TRPM8: variants seen among roughly 807,000 people sequenced by gnomAD.
TRPM8 encodes TRPM8 cationic channel.
In TRPM8, 110 loss-of-function variants were observed where a neutral mutation model predicts 133.7. The observed-to-expected ratio is 0.82, with a 90% CI of 0.70 to 0.96. TRPM8 has a LOEUF of 0.96. Among genes scored for constraint, TRPM8 ranks in the 40% least tolerant of loss-of-function variants. The pLI is 0.00. For missense variants in TRPM8, 1,291 were observed against 1,379.5 expected (o/e 0.94, Z 1.02); for synonymous variants, 535 against 532.3 (o/e 1.01, Z -0.07).
chr2:234,016,832 A>G (rs1405690592), intron 25 of TRPM8, among the ~76,000 whole-genome samples: 1 of 152,114 alleles, frequency 6.6e-6, no homozygotes, highest in Admixed American at 6.5e-5. Context: ...GAAGTTGTTC[A>G]TTTCCTGCAT....
At chr2:233,939,923 A>G in intron 5 of TRPM8, among the ~76,000 whole-genome samples, 1 of 152,102 alleles carries the variant, frequency 6.6e-6, no homozygotes, top group Non-Finnish European at 1.5e-5. Context: ...TCAAACCCGA[A>G]CAGTTACCAT....
chr2:233,981,649 G>C, intron 18 of TRPM8, 125 bp from the exon 19 acceptor site: 2 of 893,778 alleles, frequency 2.2e-6, no homozygotes, highest in Admixed American at 2.8e-5. Flanking sequence ...GGTGTTTCTG[G>C]CCTATTTTCA....
intron 11 of TRPM8, among the ~76,000 whole-genome samples, chr2:233,957,663 G>A (rs1412061657): frequency 6.6e-6 from 1 of 152,020 alleles, no homozygotes; most frequent in Non-Finnish European, 1.5e-5. Flanking sequence ...TACTACCTTT[G>A]CTCTGAAGGC....
chr2:233,998,707 C>A lies in TRPM8; in HGVS notation c.3130+2191C>A, dbSNP rs189872711. 1.5e-4 allele frequency among the ~76,000 whole-genome samples: 23 copies of A among 148,752 alleles called. No homozygotes were observed. The East Asian group carries it at 4.2e-3, about 27-fold the overall frequency. On this transcript the variant is annotated intron_variant, in intron 22 of 25. Transcript: ENST00000324695. ...CTGTGCCCATCCAGTTAGGGTGAGC[C>A]GCCTGTGCCCATCCAGTTAGAGTGC...
intron 16 of TRPM8, 23 bp from the exon 17 acceptor site, chr2:233,970,187 G>A (rs202030544): frequency 3.7e-6 from 6 of 1,608,826 alleles, no homozygotes; most frequent in Middle Eastern, 1.7e-4. Context: ...GGATGCTGAC[G>A]ATGCCCTTAT....
chr2:233,963,463 T>C, intron 13 of TRPM8, 86 bp downstream of exon 13: 1 of 733,062 alleles, frequency 1.4e-6, no homozygotes, highest in East Asian at 2.8e-5. Context: ...GCATGCCTAA[T>C]ATAAAACATC....
At chr2:234,014,424 T>C in intron 24 of TRPM8, 138 bp from the exon 25 acceptor site, 1 of 481,096 alleles carries the variant, frequency 2.1e-6, no homozygotes, top group Non-Finnish European at 3.7e-6. Flanking sequence ...GCCACTCTCA[T>C]TCTGCCTTAT....
intron 1 of TRPM8, among the ~76,000 whole-genome samples, chr2:233,921,108 G>A (rs1052267444): frequency 2.0e-5 from 3 of 151,944 alleles, no homozygotes; most frequent in Admixed American, 6.6e-5. Flanking sequence ...CGATCCACCC[G>A]CCTTGGCCTC....
At chr2:233,995,882 T>C (rs989800028) in intron 21 of TRPM8, among the ~76,000 whole-genome samples, 4 of 152,112 alleles carry the variant, frequency 2.6e-5, no homozygotes, top group African/African-American at 4.8e-5. Flanking sequence ...GGGATGAACA[T>C]TTTTAAGGCT....
At position 233,980,248 on chromosome 2, in the gene TRPM8, CT is replaced by C; in HGVS notation, c.2422del (p.Tyr808ThrfsTer3). ...DLWNVMDTLG[L>X]FYFIAGIVFR... ...GTGGAATGTGATGGACACGCTGGGG[CT>C]TTTTTACTTCATAGCAGGAATTGTA... is the stretch of plus-strand genomic sequence containing the variant. On this transcript the variant is annotated frameshift_variant, in exon 18 of 26. Transcript: ENST00000324695. LOFTEE classifies it high-confidence loss of function. 6.2e-7 allele frequency: 1 copy of C among 1,600,092 alleles called. No homozygotes were observed. The highest frequency in any genetic ancestry group is 1.8e-5 in the Admixed American group (1 of 55,820).
intron 19 of TRPM8, among the ~76,000 whole-genome samples, chr2:233,982,612 T>G (rs1249335927): frequency 2.0e-5 from 3 of 152,104 alleles, no homozygotes; most frequent in Admixed American, 1.3e-4. Flanking sequence ...TAAAAAAAAA[T>G]TAAACGGTCC....
At chr2:233,957,887 T>G (rs1394042346) in intron 11 of TRPM8, among the ~76,000 whole-genome samples, 1 of 152,270 alleles carries the variant, frequency 6.6e-6, no homozygotes, top group Non-Finnish European at 1.5e-5. Flanking sequence ...GTTACCCAAC[T>G]GATCATCCGA....
Position 233,981,924 on chromosome 2 carries a change from C to A in TRPM8, c.2589+9C>A, listed in dbSNP as rs779839667. On this transcript the variant is annotated intron_variant, in intron 19 of 25. Coordinates refer to ENST00000324695, the MANE Select transcript of TRPM8 (RefSeq NM_024080.5). The stretch of plus-strand genomic sequence containing the variant: ...TAATGCTGCAGAGGATGGTAAGAGT[C>A]AAGAATATTTGTAGTCATCATTTTT... The A allele has an allele frequency of 1.9e-6, 3 of 1,599,824 alleles. No homozygotes were observed. In the East Asian group the frequency reaches 6.7e-5, roughly 36 times the overall value.
At chr2:234,007,243 G>A (rs777857518) in intron 23 of TRPM8, among the ~76,000 whole-genome samples, 4 of 152,170 alleles carry the variant, frequency 2.6e-5, no homozygotes, top group Non-Finnish European at 5.9e-5. Flanking sequence ...GTAACAAGAG[G>A]GTGGGTCCCC....
intron 5 of TRPM8, among the ~76,000 whole-genome samples, chr2:233,941,358 TGA>T (rs1247601084): frequency 6.6e-6 from 1 of 152,200 alleles, no homozygotes; most frequent in African/African-American, 2.4e-5. Flanking sequence ...GACTGGGTGC[TGA>T]GAGGCTGGAT....
intron 17 of TRPM8, among the ~76,000 whole-genome samples, chr2:233,974,940 A>G (rs901653333): frequency 1.3e-5 from 2 of 152,016 alleles, no homozygotes; most frequent in African/African-American, 4.8e-5. Context: ...GGGAGAAAAA[A>G]CCATCTGGAA....
rs554964897 is a variant in TRPM8 at position 233,954,312 on chromosome 2, G to A, written c.1243+293G>A. 2.6e-5 allele frequency among the ~76,000 whole-genome samples: 4 copies of A among 152,156 alleles called. No individual in the cohort carries two copies. The South Asian group carries it at 6.2e-4, about 24-fold the overall frequency. ...AGTGGTTGAAAATAATTTTTTTATT[G>A]GGCCTCAGATTCCTTTGAGAATATG... On this transcript the variant is annotated intron_variant, in intron 10 of 25. Transcript: ENST00000324695.
intron 5 of TRPM8, among the ~76,000 whole-genome samples, chr2:233,942,016 C>A (rs1184015561): frequency 1.3e-5 from 2 of 151,700 alleles, no homozygotes; most frequent in Non-Finnish European, 1.5e-5. Flanking sequence ...GACAGATTCC[C>A]TCGACCCACC....
intron 1 of TRPM8, among the ~76,000 whole-genome samples, chr2:233,921,791 C>T (rs1338357242): frequency 6.6e-6 from 1 of 151,162 alleles, no homozygotes; most frequent in Admixed American, 6.6e-5. Flanking sequence ...GTGACTCAGC[C>T]TCCCAAGTAC....
Sources: allele counts gnomAD v4.1 joint callset (sites outside exome capture counted in the v4.1 genomes callset), GRCh38; gene constraint gnomAD v4.1.1; transcripts MANE v1.5; gene names NCBI Gene and HGNC (gene_info 2026-07-23, HGNC 2026-07-21).